GPHN: variants seen among roughly 807,000 people sequenced by gnomAD.
GPHN encodes gephyrin.
Under a neutral mutation model 95.5 loss-of-function variants are expected in GPHN, and 17 were observed. The observed-to-expected ratio is 0.18, with a 90% CI of 0.12 to 0.27. The LOEUF (loss-of-function observed/expected upper bound fraction) is 0.27. Ranked by LOEUF, GPHN falls within the 10% of genes least tolerant of loss-of-function variation. GPHN has a pLI of 1.00. For missense variants in GPHN, 660 were observed against 978.1 expected, an observed-to-expected ratio of 0.67 and a Z score of 4.34; for synonymous variants, 320 against 322.5, an observed-to-expected ratio of 0.99 and a Z score of 0.08.
chr14:67,003,515 A>G (rs1239834936), intron 9 of GPHN, among the ~76,000 whole-genome samples: 1 of 151,726 alleles, frequency 6.6e-6, no homozygotes, highest in African/African-American at 2.4e-5. Flanking sequence ...AATGAGATCT[A>G]CATCCTGTTT....
intron 1 of GPHN, among the ~76,000 whole-genome samples, chr14:66,679,654 G>A (rs1276748206): frequency 6.6e-6 from 1 of 152,022 alleles, no homozygotes; most frequent in Non-Finnish European, 1.5e-5. Context: ...CTTCAGTGTG[G>A]ATATTTCCTG....
intron 5 of GPHN, among the ~76,000 whole-genome samples, chr14:66,904,077 T>C (rs1287204802): frequency 1.3e-5 from 2 of 152,172 alleles, no homozygotes; most frequent in Non-Finnish European, 2.9e-5. Flanking sequence ...ACTGGAGTTA[T>C]GATTGTGTGT....
chr14:67,308,664 G>A, the GPHN span, among the ~76,000 whole-genome samples: 3 of 150,632 alleles, frequency 2.0e-5, no homozygotes, highest in African/African-American at 4.9e-5. Context: ...TCCCGCCTCA[G>A]CCTCCCAAGT....
At chr14:67,584,230 A>G in the GPHN span, 1 of 1,107,010 alleles carries the variant, frequency 9.0e-7, no homozygotes, top group Non-Finnish European at 1.3e-6. Flanking sequence ...AGTAACCACC[A>G]GAGGTCACTA....
chr14:67,105,468 C>T (rs571928796), intron 13 of GPHN, among the ~76,000 whole-genome samples: 343 of 152,198 alleles, frequency 2.3e-3, no homozygotes, highest in African/African-American at 7.8e-3. Context: ...TGGAATCTGT[C>T]TCTCCTTTTA....
the GPHN span, among the ~76,000 whole-genome samples, chr14:67,425,835 T>G: frequency 2.4e-4 from 37 of 151,988 alleles, no homozygotes; most frequent in Admixed American, 2.3e-3. Flanking sequence ...TCTCTGCTGA[T>G]CTGATAGTAT....
chr14:67,167,384 TG>T (rs144436885), intron 20 of GPHN, among the ~76,000 whole-genome samples: 7,727 of 152,280 alleles, frequency 0.051, 206 homozygotes, highest in Middle Eastern at 0.068. Context: ...GGGGTTTTTT[TG>T]CTTTTCCAGA....
At position 66,920,467 on chromosome 14, in the gene GPHN, C is replaced by T. The variant is rs562853667; in HGVS notation, c.457-2199C>T. Among the ~76,000 whole-genome samples the T allele has an allele frequency of 2.6e-5, 4 of 151,872 alleles. No individual in the cohort carries two copies. In the East Asian group the frequency reaches 7.7e-4, roughly 29 times the overall value. ...TCTTTCCTATCTTTCCTGTCTTTCTCATAATGCATCTTTCAACTACCAAGT... is the reference window on the plus strand; with the variant it reads ...TCTTTCCTATCTTTCCTGTCTTTCTTATAATGCATCTTTCAACTACCAAGT... On this transcript the variant is annotated intron_variant, in intron 6 of 22. Transcript: ENST00000478722.
At chr14:67,195,434 A>G in the GPHN span, among the ~76,000 whole-genome samples, 9 of 152,146 alleles carry the variant, frequency 5.9e-5, no homozygotes, top group Non-Finnish European at 1.0e-4. Context: ...AAATGACAGC[A>G]GTGGAAAGGG....
rs192717841 is a variant in GPHN, at chr14:66,627,702, T to C, written c.65-53405T>C. Among the ~76,000 whole-genome samples, 454 of 152,246 alleles carry C rather than the reference T, an allele frequency of 3.0e-3. 4 individuals carry two copies. Among genetic ancestry groups the C allele is most frequent in the African/African-American group, 0.01 (436 of 41,566 alleles). On this transcript the variant is annotated intron_variant, in intron 1 of 22. Transcript: ENST00000478722. ...ATGAGGTTTCACAAAGACTTGATAT[T>C]GTTAGACTTAAAGTACTGATAATCT...
chr14:67,330,151 A>T, the GPHN span, among the ~76,000 whole-genome samples: 85 of 101,966 alleles, frequency 8.3e-4, no homozygotes, highest in African/African-American at 4.5e-3. Context: ...TAATAATAAT[A>T]ATAATTATTA....
chr14:67,350,820 G>A, the GPHN span: 19,074 of 836,276 alleles, frequency 0.023, 642 homozygotes, highest in African/African-American at 0.12. Context: ...GTTTGATAAC[G>A]ACAAACAGAA....
chr14:66,604,951 A>G (rs1257148419), intron 1 of GPHN, among the ~76,000 whole-genome samples: 1 of 148,934 alleles, frequency 6.7e-6, no homozygotes, highest in Non-Finnish European at 1.5e-5. Flanking sequence ...AAGTGAGAAC[A>G]TACAGTATTT....
chr14:67,415,045 G>A, the GPHN span, among the ~76,000 whole-genome samples: 1 of 152,162 alleles, frequency 6.6e-6, no homozygotes, highest in Non-Finnish European at 1.5e-5. Flanking sequence ...GAGGGGGGCT[G>A]CAGGCCTGGA....
chr14:67,299,349 T>C, the GPHN span, among the ~76,000 whole-genome samples: 1 of 144,424 alleles, frequency 6.9e-6, no homozygotes, highest in Non-Finnish European at 1.5e-5. Flanking sequence ...GTAGGAAGGA[T>C]ATATACCAAA....
At chr14:66,630,442 G>A (rs2063746772) in intron 1 of GPHN, among the ~76,000 whole-genome samples, 1 of 152,044 alleles carries the variant, frequency 6.6e-6, no homozygotes. Flanking sequence ...AGAATGGCAA[G>A]TTTAATGTTG....
chr14:67,343,541 C>T, the GPHN span: 2 of 833,758 alleles, frequency 2.4e-6, no homozygotes, highest in Non-Finnish European at 3.8e-6. Context: ...ATTTGAGAAC[C>T]AAGACAACTT....
chr14:66,671,276 T>C (rs1193133159), intron 1 of GPHN, among the ~76,000 whole-genome samples: 2 of 152,194 alleles, frequency 1.3e-5, no homozygotes, highest in African/African-American at 2.4e-5. Context: ...ATTAATCACT[T>C]AATGAAGATA....
At chr14:67,516,790 A>AT in the GPHN span, among the ~76,000 whole-genome samples, 1 of 152,176 alleles carries the variant, frequency 6.6e-6, no homozygotes, top group East Asian at 1.9e-4. Context: ...TGGTCAAGCC[A>AT]TTTTTCTCAG....
Sources: allele counts gnomAD v4.1 joint callset (sites outside exome capture counted in the v4.1 genomes callset), GRCh38; gene constraint gnomAD v4.1.1; transcripts MANE v1.5; gene names NCBI Gene and HGNC (gene_info 2026-07-23, HGNC 2026-07-21).